The following CNTNAP4 variants were observed in gnomAD, a reference collection of about 807,000 sequenced individuals.
The protein encoded by CNTNAP4 is contactin-associated protein-like 4.
Under a neutral mutation model 148.4 loss-of-function variants are expected in CNTNAP4, and 98 were observed. That is an observed-to-expected ratio of 0.66 (90% CI 0.56 to 0.78). The LOEUF (loss-of-function observed/expected upper bound fraction) is 0.78, where lower values mean the gene tolerates loss of function less well. Ranked by LOEUF, CNTNAP4 falls within the 30% of genes least tolerant of loss-of-function variation. The pLI is 0.00. For synonymous variants in CNTNAP4, 730 were observed against 565.1 expected, an observed-to-expected ratio of 1.29 and a Z score of -4.14; for missense variants, 1,935 against 1,565.6, an observed-to-expected ratio of 1.24 and a Z score of -3.98.
At chr16:76,307,806 T>C (rs1377293310) in intron 1 of CNTNAP4, among the ~76,000 whole-genome samples, 1 of 152,190 alleles carries the variant, frequency 6.6e-6, no homozygotes, top group Non-Finnish European at 1.5e-5. Context: ...CCCCTGGCTG[T>C]TCTGTCATTA....
intron 1 of CNTNAP4, among the ~76,000 whole-genome samples, chr16:76,304,326 C>G (rs1960266733): frequency 6.6e-6 from 1 of 152,082 alleles, no homozygotes; most frequent in South Asian, 2.1e-4. Context: ...CGACAGGTAA[C>G]CTGATATTGA....
At chr16:76,300,063 G>A (rs1032697892) in intron 1 of CNTNAP4, among the ~76,000 whole-genome samples, 3 of 152,166 alleles carry the variant, frequency 2.0e-5, no homozygotes, top group South Asian at 4.1e-4. Flanking sequence ...GTTAATGGGT[G>A]CAGCACACCA....
chr16:76,494,436 A>G (rs2082331366), intron 13 of CNTNAP4, among the ~76,000 whole-genome samples: 1 of 152,172 alleles, frequency 6.6e-6, no homozygotes, highest in Admixed American at 6.6e-5. Context: ...AACAGCTAGG[A>G]TATTTTTAGA....
intron 1 of CNTNAP4, among the ~76,000 whole-genome samples, chr16:76,310,533 T>G (rs1960985718): frequency 6.6e-6 from 1 of 152,166 alleles, no homozygotes; most frequent in Non-Finnish European, 1.5e-5. Flanking sequence ...CTAAATAAAC[T>G]ATTTTCTGAT....
At chr16:76,436,232 A>T (rs1396440135) in intron 4 of CNTNAP4, among the ~76,000 whole-genome samples, 1 of 151,998 alleles carries the variant, frequency 6.6e-6, no homozygotes, top group Admixed American at 6.6e-5. Context: ...TGGGTCAGGG[A>T]GGGGATGATG....
chr16:76,409,459 A>G (rs2078715251), intron 3 of CNTNAP4, among the ~76,000 whole-genome samples: 1 of 151,966 alleles, frequency 6.6e-6, no homozygotes, highest in Admixed American at 6.6e-5. Flanking sequence ...AATGTTGATC[A>G]ACCAATCTAA....
In CNTNAP4 at chr16:76,489,686, A is replaced by C. The variant is rs1230005088; in HGVS notation, c.1883A>C (p.Glu628Ala). ...EPFLLYCNMTETAWTIIQHNG... is the reference protein window; with the variant it reads ...EPFLLYCNMTATAWTIIQHNG... Reference sequence around the variant, plus strand: ...TTCTCCCCCCATTTCTGCATACAAGAAACTGCATGGACCATCATACAGCAC... The same window carrying C: ...TTCTCCCCCCATTTCTGCATACAAGCAACTGCATGGACCATCATACAGCAC... Residue 628 changes from glutamate to alanine, a missense_variant and splice_region_variant, in exon 13 of 24, where the codon GAA becomes GCA. Coordinates refer to ENST00000611870, the MANE Select transcript of CNTNAP4 (RefSeq NM_033401.5). 1.3e-6 allele frequency: 2 copies of C among 1,543,102 alleles called. No homozygotes were observed. The highest frequency in any genetic ancestry group is 1.8e-5 in the Admixed American group (1 of 55,736).
intron 3 of CNTNAP4, among the ~76,000 whole-genome samples, chr16:76,424,653 G>A (rs1484644830): frequency 6.6e-6 from 1 of 152,098 alleles, no homozygotes; most frequent in African/African-American, 2.4e-5. Flanking sequence ...CAGCTACTTG[G>A]GAGGCTGAGG....
chr16:76,465,616 A>G (rs1473691687), intron 9 of CNTNAP4, among the ~76,000 whole-genome samples: 1 of 152,174 alleles, frequency 6.6e-6, no homozygotes, highest in East Asian at 1.9e-4. Flanking sequence ...TCAAAATATT[A>G]TTGAACTATT....
chr16:76,361,823 T>C (rs1181220074), intron 3 of CNTNAP4, among the ~76,000 whole-genome samples: 3 of 152,206 alleles, frequency 2.0e-5, no homozygotes, highest in Non-Finnish European at 4.4e-5. Flanking sequence ...TTCTTGTCAC[T>C]GCTTGTTATC....
chr16:76,384,677 G>A (rs973323430), intron 3 of CNTNAP4, among the ~76,000 whole-genome samples: 2 of 152,162 alleles, frequency 1.3e-5, no homozygotes, highest in Non-Finnish European at 2.9e-5. Flanking sequence ...GCGATTGGAA[G>A]TGGCCTTGTT....
intron 8 of CNTNAP4, among the ~76,000 whole-genome samples, chr16:76,454,111 CT>C (rs11302612): frequency 0.39 from 50,851 of 129,900 alleles, 9,408 homozygotes; most frequent in Middle Eastern, 0.51. Flanking sequence ...CTATTTCTTT[CT>C]TTTTTTTTTT....
chr16:76,278,566 T>C (rs1958571176), intron 1 of CNTNAP4, among the ~76,000 whole-genome samples: 1 of 152,220 alleles, frequency 6.6e-6, no homozygotes, highest in Admixed American at 6.5e-5. Context: ...ATAGAAAAAG[T>C]TTTAAAAGTT....
intron 3 of CNTNAP4, among the ~76,000 whole-genome samples, chr16:76,423,514 A>G (rs528073996): frequency 1.1e-3 from 174 of 152,354 alleles, no homozygotes; most frequent in Admixed American, 4.1e-3. Context: ...GAAAAAAGAT[A>G]AAGAGATACT....
intron 19 of CNTNAP4, among the ~76,000 whole-genome samples, chr16:76,538,688 A>C (rs903247839): frequency 6.6e-6 from 1 of 152,002 alleles, no homozygotes; most frequent in Admixed American, 6.6e-5. Flanking sequence ...GTCTTGTTGT[A>C]TGTAACTATT....
chr16:76,285,419 A>G (rs1358247622), intron 1 of CNTNAP4, among the ~76,000 whole-genome samples: 3 of 152,112 alleles, frequency 2.0e-5, no homozygotes, highest in Non-Finnish European at 4.4e-5. Flanking sequence ...ATTTATCTCC[A>G]AGGTTTTTAA....
intron 15 of CNTNAP4, among the ~76,000 whole-genome samples, chr16:76,506,669 T>C (rs2143962389): frequency 1.1e-5 from 1 of 92,754 alleles, no homozygotes; most frequent in South Asian, 4.6e-4. Flanking sequence ...CAGGGTTTCA[T>C]CATGTTGGCC....
chr16:76,345,810 T>C (rs1389427278), intron 2 of CNTNAP4, among the ~76,000 whole-genome samples: 1 of 152,158 alleles, frequency 6.6e-6, no homozygotes, highest in Admixed American at 6.5e-5. Context: ...ATATTAAGTT[T>C]TATAAAGTAA....
intron 3 of CNTNAP4, among the ~76,000 whole-genome samples, chr16:76,385,446 AAAC>A (rs2016426195): frequency 6.6e-6 from 1 of 152,094 alleles, no homozygotes; most frequent in Non-Finnish European, 1.5e-5. Flanking sequence ...ATAAAAATAG[AAAC>A]AACTGTAATT....
Sources: allele counts gnomAD v4.1 joint callset (sites outside exome capture counted in the v4.1 genomes callset), GRCh38; gene constraint gnomAD v4.1.1; transcripts MANE v1.5; gene names NCBI Gene and HGNC (gene_info 2026-07-23, HGNC 2026-07-21).